CERS6: variants seen among roughly 807,000 people sequenced by gnomAD.
CERS6 encodes the protein ceramide synthase 6, also known as LAG1 homolog, ceramide synthase 6.
In CERS6, 26 loss-of-function variants were observed where a neutral mutation model predicts 56.8. The observed-to-expected ratio is 0.46, with a 90% confidence interval of 0.34 to 0.63. The LOEUF is 0.63. Among genes scored for constraint, CERS6 ranks in the 30% least tolerant of loss-of-function variants. The pLI is 0.01. For synonymous variants in CERS6, 164 were observed against 173.3 expected (o/e 0.95, Z 0.42); for missense variants, 415 against 467.5 (o/e 0.89, Z 1.04).
At chr2:168,537,542 T>TA (rs753651843) in intron 1 of CERS6, among the ~76,000 whole-genome samples, 16 of 152,330 alleles carry the variant, frequency 1.1e-4, no homozygotes, top group South Asian at 6.2e-4. Flanking sequence ...TAGCCTGCTT[T>TA]AAAAAAATCA....
In CERS6 at chr2:168,715,028, C is replaced by G. The variant is rs1303873088; in HGVS notation, c.637C>G (p.Leu213Val). 6 of 1,609,784 alleles carry G rather than the reference C, an allele frequency of 3.7e-6. No homozygotes were observed. Among genetic ancestry groups the G allele is most frequent in the Admixed American group, 1.7e-5 (1 of 59,470 alleles). Residue 213 changes from leucine to valine, a missense_variant, in exon 7 of 10, where the codon CTT becomes GTT. Leu to Val is a conservative substitution (Grantham distance 32). Coordinates refer to ENST00000305747, the MANE Select transcript of CERS6 (RefSeq NM_203463.3). ...KDFGIMFLHH[L>V]VSIFLITFSY... ...CTTTGGCATTATGTTCCTGCACCAC[C>G]TTGTATCTATTTTCTTGATTACCTT...
At chr2:168,672,575 C>T (rs773188911) in intron 4 of CERS6, among the ~76,000 whole-genome samples, 3 of 152,188 alleles carry the variant, frequency 2.0e-5, no homozygotes, top group Non-Finnish European at 2.9e-5. Context: ...ACTGTGGCTA[C>T]TTGGCCATCT....
intron 4 of CERS6, among the ~76,000 whole-genome samples, chr2:168,664,623 C>T (rs1177975213): frequency 6.6e-6 from 1 of 152,070 alleles, no homozygotes; most frequent in African/African-American, 2.4e-5. Context: ...CTTTTTAGAC[C>T]ATATAGGGTA....
At position 168,660,123 on chromosome 2, in the gene CERS6, A is replaced by G. The variant is rs955897257; in HGVS notation, c.465+29081A>G. On this transcript the variant is annotated intron_variant, in intron 4 of 9. Coordinates refer to ENST00000305747, the MANE Select transcript of CERS6 (RefSeq NM_203463.3). ...ACATGTTTACATGGCTGGCTGAGAAATGTACTCAGCACAACGTTCAACAGA... is the reference window on the plus strand; with the variant it reads ...ACATGTTTACATGGCTGGCTGAGAAGTGTACTCAGCACAACGTTCAACAGA... 9.8e-5 allele frequency among the ~76,000 whole-genome samples: 15 copies of G among 152,324 alleles called. No homozygotes were observed. The South Asian group carries it at 1.0e-3, about 11-fold the overall frequency.
chr2:168,648,783 T>C (rs951282769), intron 4 of CERS6, among the ~76,000 whole-genome samples: 2 of 152,034 alleles, frequency 1.3e-5, no homozygotes, highest in Non-Finnish European at 2.9e-5. Context: ...TTTATTTCCA[T>C]GTAATTGCAT....
chr2:168,685,626 C>A (rs2105355130), intron 4 of CERS6, among the ~76,000 whole-genome samples: 1 of 152,042 alleles, frequency 6.6e-6, no homozygotes, highest in East Asian at 1.9e-4. Flanking sequence ...GCTTCTTTAC[C>A]CTTCTCTTAA....
At chr2:168,657,890 G>A (rs527460149) in intron 4 of CERS6, among the ~76,000 whole-genome samples, 2 of 152,336 alleles carry the variant, frequency 1.3e-5, no homozygotes, top group South Asian at 4.1e-4. Context: ...GGCTCCCACA[G>A]TGCAGTGGGG....
At position 168,658,315 on chromosome 2, in the gene CERS6, G is replaced by GC. The variant is rs200120362; in HGVS notation, c.465+27274dup. 7.1e-3 allele frequency among the ~76,000 whole-genome samples: 1,075 copies of GC among 152,230 alleles called. 16 individuals carry two copies. The highest frequency in any genetic ancestry group is 0.024 in the African/African-American group (1,014 of 41,520). ...CGAGATCCCAAGGAAGTAGATTTCG[G>GC]CTCCCCGGCCTGGTCAAATTTTGAG... On this transcript the variant is annotated intron_variant, in intron 4 of 9. Transcript: ENST00000305747.
chr2:168,687,857 C>T (rs768785326), intron 4 of CERS6, among the ~76,000 whole-genome samples: 4 of 152,154 alleles, frequency 2.6e-5, no homozygotes, highest in Non-Finnish European at 5.9e-5. Flanking sequence ...GCATATGCCA[C>T]CGTGCCTAGC....
intron 1 of CERS6, among the ~76,000 whole-genome samples, chr2:168,457,673 C>G (rs1693698328): frequency 6.6e-6 from 1 of 152,134 alleles, no homozygotes. Flanking sequence ...CGCTTCCACT[C>G]CGCCTTTCTT....
At chr2:168,632,736 T>C (rs1369370218) in intron 4 of CERS6, among the ~76,000 whole-genome samples, 4 of 152,144 alleles carry the variant, frequency 2.6e-5, no homozygotes, top group African/African-American at 9.7e-5. Context: ...CAGCTTTGGA[T>C]GGAATTTCAG....
chr2:168,478,092 T>A (rs1043622777), intron 1 of CERS6, among the ~76,000 whole-genome samples: 1 of 254 alleles, frequency 3.9e-3, no homozygotes, highest in East Asian at 0.5. Context: ...CATTCAGGGT[T>A]TTTTTTTTTG....
chr2:168,740,942 C>A (rs1183871298), intron 8 of CERS6, among the ~76,000 whole-genome samples: 1 of 152,020 alleles, frequency 6.6e-6, no homozygotes, highest in African/African-American at 2.4e-5. Context: ...CAGAGGAATT[C>A]AGGAGATGGA....
chr2:168,644,003 A>G, intron 4 of CERS6: 1 of 718,562 alleles, frequency 1.4e-6, no homozygotes, highest in Non-Finnish European at 1.7e-6. Context: ...ATTCGCTAGT[A>G]TATCCAGAGG....
rs756901461 is a variant in CERS6, at chr2:168,769,593, G to A, written c.1086G>A (p.Ala362=). 21 of 1,612,404 alleles carry A rather than the reference G, an allele frequency of 1.3e-5. No individual in the cohort carries two copies. The Admixed American group carries it at 1.5e-4, about 12-fold the overall frequency. The change falls in exon 10 of 10, where the codon GCG becomes GCA. Residue 362 remains alanine, a synonymous_variant. Coordinates refer to ENST00000305747, the MANE Select transcript of CERS6 (RefSeq NM_203463.3). The part of the protein sequence containing the change: ...SEPPGKNPHT[A]TTTNGTSGTN... ...CTCCGGGAAAGAATCCCCACACTGC[G>A]ACAACCACCAATGGGACCAGTGGTA...
At chr2:168,744,112 T>C (rs892662857) in intron 8 of CERS6, among the ~76,000 whole-genome samples, 26 of 145,526 alleles carry the variant, frequency 1.8e-4, no homozygotes, top group African/African-American at 7.2e-4. Flanking sequence ...TTCTCGCCAT[T>C]CTCCTGCCTC....
chr2:168,637,387 C>G (rs1434224210), intron 4 of CERS6, among the ~76,000 whole-genome samples: 1 of 152,106 alleles, frequency 6.6e-6, no homozygotes, highest in African/African-American at 2.4e-5. Context: ...GAGGCTGAGG[C>G]AGGAGAATTG....
chr2:168,572,368 A>G (rs2105389577), intron 3 of CERS6, among the ~76,000 whole-genome samples: 1 of 152,192 alleles, frequency 6.6e-6, no homozygotes, highest in East Asian at 1.9e-4. Context: ...ATCCTTTGTA[A>G]TATGTTAGAT....
At chr2:168,721,935 C>T (rs1188865176) in intron 8 of CERS6, among the ~76,000 whole-genome samples, 2 of 152,182 alleles carry the variant, frequency 1.3e-5, no homozygotes, top group African/African-American at 4.8e-5. Context: ...CACTCTTTTA[C>T]AGAGTTGCAG....
Sources: gnomAD v4.1 joint callset for allele counts (sites outside exome capture counted in the v4.1 genomes callset) on GRCh38, gnomAD v4.1.1 for gene constraint, MANE v1.5 for transcripts, NCBI Gene and HGNC (gene_info 2026-07-23, HGNC 2026-07-21) for gene names.